MALRD1: variants seen among roughly 807,000 people sequenced by gnomAD.
The protein encoded by MALRD1 is MAM and LDL receptor class A domain containing 1.
MALRD1 carries 247 observed loss-of-function variants against 242.1 expected under a neutral mutation model. That is an observed-to-expected ratio of 1.02 (90% CI 0.92 to 1.13). MALRD1 has a LOEUF of 1.13. Among genes scored for constraint, MALRD1 ranks in the 50% most tolerant of loss-of-function variants. The probability of loss-of-function intolerance (pLI) is 0.00; values close to 1 mark genes in which losing one functional copy is unlikely to be tolerated. For missense variants in MALRD1, 2,989 were observed against 2,533.1 expected, an observed-to-expected ratio of 1.18 and a Z score of -3.86; for synonymous variants, 995 against 866.6, an observed-to-expected ratio of 1.15 and a Z score of -2.60.
At chr10:19,618,772 C>T (rs1336925784) in intron 36 of MALRD1, among the ~76,000 whole-genome samples, 1 of 152,000 alleles carries the variant, frequency 6.6e-6, no homozygotes, top group Non-Finnish European at 1.5e-5. Flanking sequence ...TACTTTTCAC[C>T]TTTTCGTCTT....
chr10:19,430,219 A>G (rs1432181493), intron 28 of MALRD1, among the ~76,000 whole-genome samples: 1 of 138,406 alleles, frequency 7.2e-6, no homozygotes. Context: ...GGTTCATGCC[A>G]TTCTTCTGCC....
intron 21 of MALRD1, among the ~76,000 whole-genome samples, chr10:19,307,197 C>G (rs1477844244): frequency 6.6e-6 from 1 of 151,354 alleles, no homozygotes; most frequent in African/African-American, 2.4e-5. Context: ...ATACTTTGGT[C>G]GGACATAACT....
At chr10:19,584,185 T>G (rs1487844202) in intron 33 of MALRD1, among the ~76,000 whole-genome samples, 1 of 151,944 alleles carries the variant, frequency 6.6e-6, no homozygotes, top group Non-Finnish European at 1.5e-5. Context: ...GCTCCTGGAT[T>G]CATTGATTTT....
At chr10:19,656,155 A>G (rs920164535) in intron 36 of MALRD1, among the ~76,000 whole-genome samples, 7 of 152,072 alleles carry the variant, frequency 4.6e-5, no homozygotes, top group Non-Finnish European at 1.0e-4. Context: ...AAACTCTACC[A>G]TTTTTCAGAA....
intron 18 of MALRD1, among the ~76,000 whole-genome samples, chr10:19,228,320 A>G: frequency 6.6e-6 from 1 of 152,200 alleles, no homozygotes; most frequent in East Asian, 1.9e-4. Flanking sequence ...TCATTCCACT[A>G]ATAGGATACT....
intron 14 of MALRD1, among the ~76,000 whole-genome samples, chr10:19,186,926 A>G (rs1160749771): frequency 6.6e-6 from 1 of 152,172 alleles, no homozygotes; most frequent in Non-Finnish European, 1.5e-5. Flanking sequence ...CCTAACACTA[A>G]GTGTTCCAAG....
At chr10:19,392,398 C>T (rs879446562) in intron 28 of MALRD1, among the ~76,000 whole-genome samples, 1 of 152,078 alleles carries the variant, frequency 6.6e-6, no homozygotes, top group African/African-American at 2.4e-5. Flanking sequence ...AAATGAAGAT[C>T]CCCCTTTATC....
chr10:19,107,075 T>C (rs1285400830), intron 5 of MALRD1, among the ~76,000 whole-genome samples: 1 of 151,992 alleles, frequency 6.6e-6, no homozygotes, highest in Non-Finnish European at 1.5e-5. Flanking sequence ...GAAAATTCCA[T>C]GTGCTGATGG....
intron 26 of MALRD1, among the ~76,000 whole-genome samples, chr10:19,373,757 T>C (rs141078007): frequency 6.6e-6 from 1 of 152,324 alleles, no homozygotes; most frequent in Non-Finnish European, 1.5e-5. Flanking sequence ...TTCTAAAAAT[T>C]ATGAAGGTCA....
intron 18 of MALRD1, among the ~76,000 whole-genome samples, chr10:19,221,935 TGGAAA>T (rs1311024258): frequency 2.6e-5 from 4 of 152,056 alleles, no homozygotes; most frequent in Non-Finnish European, 5.9e-5. Context: ...CGTGGATTTG[TGGAAA>T]TGAAATTTTT....
At chr10:19,072,752 T>C (rs985563449) in intron 2 of MALRD1, among the ~76,000 whole-genome samples, 2 of 152,170 alleles carry the variant, frequency 1.3e-5, no homozygotes, top group African/African-American at 4.8e-5. Flanking sequence ...ATTATGCTAT[T>C]ATTTAAACAT....
At chr10:19,075,620 C>T (rs1052102344) in intron 2 of MALRD1, among the ~76,000 whole-genome samples, 1 of 152,006 alleles carries the variant, frequency 6.6e-6, no homozygotes, top group Non-Finnish European at 1.5e-5. Context: ...CTTAGGGATG[C>T]ATGGAATTGA....
intron 1 of MALRD1, among the ~76,000 whole-genome samples, chr10:19,055,540 C>G (rs1004244224): frequency 2.0e-5 from 3 of 152,042 alleles, no homozygotes; most frequent in Non-Finnish European, 4.4e-5. Flanking sequence ...AGTTTAAGGT[C>G]TTATATTTAA....
At chr10:19,439,587 C>T (rs2130978734) in intron 28 of MALRD1, among the ~76,000 whole-genome samples, 1 of 151,916 alleles carries the variant, frequency 6.6e-6, no homozygotes, top group East Asian at 1.9e-4. Flanking sequence ...AAAACCGGTG[C>T]AGGAACAATA....
chr10:19,470,038 T>A (rs1302900384), intron 29 of MALRD1, among the ~76,000 whole-genome samples: 1 of 152,014 alleles, frequency 6.6e-6, no homozygotes, highest in African/African-American at 2.4e-5. Flanking sequence ...CTATACAATA[T>A]AGGGCAACTC....
chr10:19,401,508 A>G (rs1420977503), intron 28 of MALRD1, among the ~76,000 whole-genome samples: 1 of 152,180 alleles, frequency 6.6e-6, no homozygotes, highest in African/African-American at 2.4e-5. Flanking sequence ...GAAAAATGAA[A>G]TCCTTAAATA....
At chr10:19,293,197 C>T (rs531849438) in intron 21 of MALRD1, among the ~76,000 whole-genome samples, 1 of 152,072 alleles carries the variant, frequency 6.6e-6, no homozygotes, top group Non-Finnish European at 1.5e-5. Context: ...TGGTTAAATA[C>T]CAGTCCTTAG....
chr10:19,514,134 C>T (rs1833526742), intron 31 of MALRD1, among the ~76,000 whole-genome samples: 1 of 152,110 alleles, frequency 6.6e-6, no homozygotes, highest in Non-Finnish European at 1.5e-5. Flanking sequence ...CTTAAAATGG[C>T]CATGGCTTAA....
At chr10:19,367,689 T>C (rs1458275846) in intron 26 of MALRD1, among the ~76,000 whole-genome samples, 1 of 152,134 alleles carries the variant, frequency 6.6e-6, no homozygotes, top group Non-Finnish European at 1.5e-5. Flanking sequence ...CTCCATACTG[T>C]TCTTCGTAGT....
Sources: allele counts gnomAD v4.1 joint callset (sites outside exome capture counted in the v4.1 genomes callset), GRCh38; gene constraint gnomAD v4.1.1; transcripts MANE v1.5; gene names NCBI Gene and HGNC (gene_info 2026-07-23, HGNC 2026-07-21).